Variants in TXLNB observed in about 807,000 individuals in gnomAD.
TXLNB encodes the protein beta-taxilin.
TXLNB carries 37 observed loss-of-function variants against 57.4 expected under a neutral mutation model. That is an observed-to-expected ratio of 0.64 (90% CI 0.50 to 0.85). The LOEUF is 0.85. Ranked by LOEUF, TXLNB falls within the 40% of genes least tolerant of loss-of-function variation. TXLNB has a pLI of 0.00. For missense variants in TXLNB, 848 were observed against 825.6 expected (o/e 1.03, Z -0.33); for synonymous variants, 302 against 309.6 (o/e 0.98, Z 0.26).
At chr6:139,276,993 T>C (rs1286602302) in intron 2 of TXLNB, 72 bp from the exon 3 acceptor site, 14 of 1,111,786 alleles carry the variant, frequency 1.3e-5, no homozygotes, top group African/African-American at 9.4e-5. Flanking sequence ...GAGTCTCAGA[T>C]TGACCACTTG....
At chr6:139,232,664 A>T in the TXLNB span, among the ~76,000 whole-genome samples, 2 of 152,202 alleles carry the variant, frequency 1.3e-5, no homozygotes, top group African/African-American at 4.8e-5. Context: ...AATGCTGGTT[A>T]TCATTTCCCT....
chr6:139,187,630 A>G, the TXLNB span, among the ~76,000 whole-genome samples: 1 of 152,226 alleles, frequency 6.6e-6, no homozygotes, highest in Non-Finnish European at 1.5e-5. Context: ...AACCTGAGTA[A>G]CTTTTGGTAA....
intron 8 of TXLNB, among the ~76,000 whole-genome samples, chr6:139,246,025 T>C (rs1776058930): frequency 6.6e-6 from 1 of 152,188 alleles, no homozygotes; most frequent in African/African-American, 2.4e-5. Context: ...CATCAATCTT[T>C]TTAAGAATGT....
chr6:139,311,944 A>C, the TXLNB span, among the ~76,000 whole-genome samples: 1 of 152,154 alleles, frequency 6.6e-6, no homozygotes. Context: ...ACTGAACTCT[A>C]GTCTCTCTCC....
At position 139,258,182 on chromosome 6, in the gene TXLNB, G is replaced by A. The variant is rs780297818; in HGVS notation, c.1002+2136C>T. On this transcript the variant is annotated intron_variant, in intron 6 of 9. Transcript: ENST00000358430. ...GCAAGCCAGGTAGGTGGCTAGCTTC[G>A]AAGAAGTGAGATGAGCTCCCTCTCT... Among the ~76,000 whole-genome samples, 14 of 152,282 alleles carry A rather than the reference G, an allele frequency of 9.2e-5. 1 individual carries two copies. The highest frequency in any genetic ancestry group is 3.4e-3 in the Middle Eastern group (1 of 294).
the TXLNB span, among the ~76,000 whole-genome samples, chr6:139,221,701 A>T: frequency 6.6e-6 from 1 of 152,342 alleles, no homozygotes; most frequent in East Asian, 1.9e-4. Flanking sequence ...AAAATAAGAT[A>T]CAATGTCTAA....
At chr6:139,298,054 C>G in the TXLNB span, among the ~76,000 whole-genome samples, 2 of 152,118 alleles carry the variant, frequency 1.3e-5, no homozygotes, top group African/African-American at 4.8e-5. Flanking sequence ...ATATTCAATT[C>G]CCATGGTGAC....
the TXLNB span, among the ~76,000 whole-genome samples, chr6:139,189,816 GGATACAGA>G: frequency 6.6e-6 from 1 of 152,160 alleles, no homozygotes; most frequent in South Asian, 2.1e-4. Context: ...CTCAGATGGG[GGATACAGA>G]GATATTGCTA....
chr6:139,174,347 A>G, the TXLNB span: 4 of 1,571,338 alleles, frequency 2.5e-6, no homozygotes, highest in Non-Finnish European at 3.5e-6. Flanking sequence ...TGTGATTTCC[A>G]TGATGGCCAC....
chr6:139,191,136 C>A, the TXLNB span, among the ~76,000 whole-genome samples: 1 of 151,638 alleles, frequency 6.6e-6, no homozygotes, highest in Non-Finnish European at 1.5e-5. Flanking sequence ...TCCAGTTTAT[C>A]TGGCCAGGCG....
chr6:139,244,658 G>A lies in TXLNB; in HGVS notation c.1203C>T (p.Asp401=). ...CAAATCGGGCTTTCCATGTGGCTGT[G>A]TCCTTTTCCAGCTTCTTCATTTTCT... is the stretch of plus-strand genomic sequence containing the variant. ...TTKKMKKLEK[D]TATWKARFEN... is the part of the protein sequence containing the mutation. Residue 401 remains aspartate, a synonymous_variant, in exon 9 of 10, where the codon GAC becomes GAT. Coordinates refer to ENST00000358430, the MANE Select transcript of TXLNB (RefSeq NM_153235.4). 6.2e-7 allele frequency: 1 copy of A among 1,613,836 alleles called. No individual in the cohort carries two copies. The highest frequency in any genetic ancestry group is 8.5e-7 in the Non-Finnish European group (1 of 1,179,750).
chr6:139,226,088 C>T, the TXLNB span, among the ~76,000 whole-genome samples: 1 of 151,618 alleles, frequency 6.6e-6, no homozygotes, highest in Non-Finnish European at 1.5e-5. Context: ...CGCTGGAGCA[C>T]AATAGTTCAA....
the TXLNB span, among the ~76,000 whole-genome samples, chr6:139,219,379 G>A: frequency 6.6e-6 from 1 of 152,180 alleles, no homozygotes; most frequent in Non-Finnish European, 1.5e-5. Flanking sequence ...CGGTTCAGTA[G>A]GTGGCACTGC....
At chr6:139,174,626 A>G in the TXLNB span, 6 of 1,537,428 alleles carry the variant, frequency 3.9e-6, no homozygotes, top group African/African-American at 8.2e-5. Context: ...CTGGCAATAA[A>G]GAAGAAATTC....
intron 4 of TXLNB, among the ~76,000 whole-genome samples, chr6:139,264,449 G>A (rs1180890964): frequency 1.3e-5 from 2 of 151,954 alleles, no homozygotes; most frequent in African/African-American, 4.8e-5. Flanking sequence ...TAGAAAGAAG[G>A]TACAGATGAT....
chr6:139,229,963 T>G, the TXLNB span, among the ~76,000 whole-genome samples: 1 of 152,228 alleles, frequency 6.6e-6, no homozygotes, highest in South Asian at 2.1e-4. Context: ...ACGTTAATGC[T>G]TCGTTGTATT....
the TXLNB span, among the ~76,000 whole-genome samples, chr6:139,226,922 G>A: frequency 6.6e-6 from 1 of 152,208 alleles, no homozygotes; most frequent in South Asian, 2.1e-4. Flanking sequence ...AGCTACGCGG[G>A]AGGCTTAGGC....
chr6:139,281,180 T>C (rs9495410), intron 2 of TXLNB, among the ~76,000 whole-genome samples: 45,866 of 151,944 alleles, frequency 0.3, 7,164 homozygotes, highest in African/African-American at 0.39. Flanking sequence ...CTTTAAGATT[T>C]GGTCATTTCA....
rs147677359 is a variant in TXLNB, at chr6:139,288,851, G to T, written c.49C>A (p.Pro17Thr). 6 of 1,614,054 alleles carry T rather than the reference G, an allele frequency of 3.7e-6. No homozygotes were observed. In the African/African-American group the frequency reaches 5.3e-5, roughly 14 times the overall value. Residue 17 changes from proline (P) to threonine (T), a missense_variant, in exon 2 of 10, where the codon CCT (proline) becomes ACT (threonine). By Grantham distance (38) the Pro-to-Thr change is conservative. Coordinates refer to ENST00000358430, the MANE Select transcript of TXLNB (RefSeq NM_153235.4). ...EQLSAERQST[P>T]PGDSSSLPSH... ...GGTAATGATGAACTGTCACCTGGAG[G>T]TGTTGACTGTCGTTCCGCTGAGAGC...
Sources: allele counts gnomAD v4.1 joint callset (sites outside exome capture counted in the v4.1 genomes callset), GRCh38; gene constraint gnomAD v4.1.1; transcripts MANE v1.5; gene names NCBI Gene and HGNC (gene_info 2026-07-23, HGNC 2026-07-21).